LINS1: variants seen among roughly 807,000 people sequenced by gnomAD.
The protein encoded by LINS1 is lines homolog 1.
Under a neutral mutation model 41.6 loss-of-function variants are expected in LINS1, and 27 were observed. The observed-to-expected ratio is 0.65, with a 90% CI of 0.48 to 0.89. The LOEUF (loss-of-function observed/expected upper bound fraction) is 0.89. LINS1 is among the 40% of genes least tolerant of loss of function. The pLI is 0.00. For synonymous variants in LINS1, 336 were observed against 312.9 expected (o/e 1.07, Z -0.78); for missense variants, 955 against 884.1 (o/e 1.08, Z -1.02).
rs2037865239 is a variant in LINS1 at position 100,572,135 on chromosome 15, A to AGGTC, written c.1223-71_1223-70insGACC. ...TGAATGAATATCTTGCCTATATATAAATTCATAGTGTCTAAAGTACCTTAA... is the reference window on the plus strand; with the variant it reads ...TGAATGAATATCTTGCCTATATATAAGGTCATTCATAGTGTCTAAAGTACCTTAA... On this transcript the variant is annotated intron_variant, in intron 5 of 6. Coordinates refer to ENST00000314742, the MANE Select transcript of LINS1 (RefSeq NM_001040616.3). The AGGTC allele has an allele frequency of 6.9e-6, 11 of 1,588,756 alleles. No homozygotes were observed. The South Asian group carries it at 1.3e-4, about 18-fold the overall frequency.
rs947031817 is a variant in LINS1, at chr15:100,574,887, A to G, written c.631+100T>C. On this transcript the variant is annotated intron_variant, in intron 4 of 6. Coordinates refer to ENST00000314742, the MANE Select transcript of LINS1 (RefSeq NM_001040616.3). ...AGAGACTGACTTTTTCATTACTTTAAGACAGATCAGATGTTCCAAATTAAG... is the reference window on the plus strand; with the variant it reads ...AGAGACTGACTTTTTCATTACTTTAGGACAGATCAGATGTTCCAAATTAAG... The G allele has an allele frequency of 1.3e-5, 16 of 1,237,600 alleles. 1 individual carries two copies. Among genetic ancestry groups the G allele is most frequent in the Non-Finnish European group, 1.6e-5 (14 of 850,452 alleles). The allele number at this position is 1,237,600 out of a possible 1,614,324, so 76.7% of individuals were successfully genotyped here. A position where few individuals can be genotyped will look rare whatever the true frequency, so the allele number is the denominator to read the frequency against.
chr15:100,586,364 G>A (rs942736964), intron 1 of LINS1: 2 of 152,186 alleles, frequency 1.3e-5, no homozygotes, highest in South Asian at 2.1e-4. Flanking sequence ...AATGGGATAA[G>A]TGTTTTAAGT....
chr15:100,582,602 C>T (rs1223166815), intron 1 of LINS1, among the ~76,000 whole-genome samples: 48 of 115,378 alleles, frequency 4.2e-4, no homozygotes, highest in South Asian at 2.6e-3. Flanking sequence ...CCATCTACAA[C>T]ATGGCCCACT....
rs2037622425 is a variant in LINS1, at chr15:100,568,163, A to T, written c.*1075T>A. On this transcript the variant is annotated 3_prime_UTR_variant, in exon 7 of 7. Transcript: ENST00000314742. ...AATTAGTGATTAAATTTTTTTTTAGAAAGAATCATGTTCATACAGTAGGCC... is the reference window on the plus strand; with the variant it reads ...AATTAGTGATTAAATTTTTTTTTAGTAAGAATCATGTTCATACAGTAGGCC... 1 of 151,836 alleles carries T rather than the reference A, an allele frequency of 6.6e-6. No homozygotes were observed. Among genetic ancestry groups the T allele is most frequent in the Non-Finnish European group, 1.5e-5 (1 of 67,934 alleles). 9.4% of individuals were successfully genotyped at this position (151,836 alleles called of 1,614,324 possible).
rs6598356 is a variant in LINS1, at chr15:100,569,688, C to A, written c.1824G>T (p.Gly608=). Residue 608 remains glycine (G), a synonymous_variant, in exon 7 of 7, where the codon GGG becomes GGT. Transcript: ENST00000314742. Reference sequence around the variant, plus strand: ...GACTAGAAGCACACATGGTGTGAGCCCCCTTGGACATCACAGCTTTCAGTG... The same window carrying A: ...GACTAGAAGCACACATGGTGTGAGCACCCTTGGACATCACAGCTTTCAGTG... ...SEPLKAVMSK[G]AHTMCASSLS... The A allele has an allele frequency of 0.44, 706,457 of 1,612,952 alleles. 159,863 individuals carry two copies. The highest frequency in any genetic ancestry group is 0.47 in the Non-Finnish European group (559,973 of 1,179,394).
intron 6 of LINS1, chr15:100,570,618 GC>G (rs1463606962): frequency 6.5e-6 from 1 of 153,038 alleles, no homozygotes; most frequent in Non-Finnish European, 1.5e-5. Flanking sequence ...GCTGAGGTAC[GC>G]CTTGAACTGC....
At chr15:100,589,367 A>T (rs1202982667) in intron 1 of LINS1, among the ~76,000 whole-genome samples, 1 of 152,228 alleles carries the variant, frequency 6.6e-6, no homozygotes, top group African/African-American at 2.4e-5. Flanking sequence ...TTCATGTTAA[A>T]TCAGCTGATA....
chr15:100,572,362 G>C, intron 5 of LINS1: 1 of 1,188,692 alleles, frequency 8.4e-7, no homozygotes, highest in South Asian at 1.8e-5. Context: ...GTGATTTCTT[G>C]CTAAAAGCAG....
At position 100,569,599 on chromosome 15, in the gene LINS1, T is replaced by A; in HGVS notation, c.1913A>T (p.Glu638Val). 6.2e-7 allele frequency: 1 copy of A among 1,613,666 alleles called. No individual in the cohort carries two copies. The highest frequency in any genetic ancestry group is 8.5e-7 in the Non-Finnish European group (1 of 1,179,614). Residue 638 changes from glutamate (E) to valine (V), a missense_variant, in exon 7 of 7, where the codon GAA (glutamate) becomes GTA (valine). By Grantham distance (121) the Glu-to-Val change is moderately radical. Coordinates refer to ENST00000314742, the MANE Select transcript of LINS1 (RefSeq NM_001040616.3). ...DYDSSDDSDV[E>V]STEQCLANSK... ...GTTAGCTAAACACTGCTCTGTGGAT[T>A]CCACGTCAGAATCGTCAGAGCTGTC...
intron 5 of LINS1, chr15:100,572,815 C>T (rs1019060511): frequency 3.2e-6 from 3 of 925,766 alleles, no homozygotes; most frequent in South Asian, 1.0e-4. Context: ...GTAACAATTT[C>T]TTTGTCAATA....
intron 1 of LINS1, among the ~76,000 whole-genome samples, chr15:100,587,444 CCTGGGTAACA>C (rs2038860239): frequency 6.6e-6 from 1 of 151,730 alleles, no homozygotes; most frequent in Non-Finnish European, 1.5e-5. Context: ...TTTTTGGGGC[CCTGGGTAACA>C]CTGTAGCCTC....
rs555615731 is a variant in LINS1, at chr15:100,569,687, C to T, written c.1825G>A (p.Ala609Thr). The change falls in exon 7 of 7, where the codon GCT becomes ACT. Residue 609 changes from alanine to threonine, a missense_variant. Transcript: ENST00000314742. ...EPLKAVMSKG[A>T]HTMCASSLSS... ...AGACTAGAAGCACACATGGTGTGAG[C>T]CCCCTTGGACATCACAGCTTTCAGT... 1 of 1,613,780 alleles carries T rather than the reference C, an allele frequency of 6.2e-7. No individual in the cohort carries two copies. Among genetic ancestry groups the T allele is most frequent in the Non-Finnish European group, 8.5e-7 (1 of 1,179,806 alleles).
chr15:100,580,068 A>G (rs2038442600), intron 3 of LINS1, among the ~76,000 whole-genome samples, 195 bp downstream of exon 3: 1 of 152,176 alleles, frequency 6.6e-6, no homozygotes, highest in African/African-American at 2.4e-5. Context: ...AAGAAACTAT[A>G]AGAGAAACAG....
intron 1 of LINS1, among the ~76,000 whole-genome samples, chr15:100,588,534 TAAA>T (rs1489825051): frequency 6.6e-6 from 1 of 152,206 alleles, no homozygotes; most frequent in Non-Finnish European, 1.5e-5. Context: ...ATTGGTAAAA[TAAA>T]AATATCTTCA....
intron 1 of LINS1, among the ~76,000 whole-genome samples, chr15:100,597,631 A>T (rs2039304461): frequency 6.6e-6 from 1 of 152,244 alleles, no homozygotes; most frequent in South Asian, 2.1e-4. Context: ...CTTAGTTGCT[A>T]AATTATAACT....
rs2038445525 is a variant in LINS1, at chr15:100,580,122, G to A, written c.489+141C>T. 4.4e-6 allele frequency: 3 copies of A among 677,702 alleles called. 1 individual carries two copies. In the South Asian group the frequency reaches 5.4e-5, roughly 12 times the overall value. 42.0% of individuals were successfully genotyped at this position (677,702 alleles called of 1,614,324 possible). On this transcript the variant is annotated intron_variant, in intron 3 of 6. Coordinates refer to ENST00000314742, the MANE Select transcript of LINS1 (RefSeq NM_001040616.3). The stretch of plus-strand genomic sequence containing the variant: ...CGTCTTTAATCCCAGCACTTTGGGA[G>A]GCTGAGGCAGGAGGATTGCTTGAGC...
Position 100,570,107 on chromosome 15 carries a change from C to CT in LINS1, c.1404dup (p.Ala469SerfsTer3), listed in dbSNP as rs1038062197. ...TTTCCCTGAGTCAAGCTTTCAGTGG[C>CT]TTCACATCCTCTGAAAATGAAGATA... is the stretch of plus-strand genomic sequence containing the variant. On this transcript the variant is annotated frameshift_variant, in exon 7 of 7. Coordinates refer to ENST00000314742, the MANE Select transcript of LINS1 (RefSeq NM_001040616.3). LOFTEE classifies it low-confidence loss of function (END_TRUNC). 1 of 1,585,776 alleles carries CT rather than the reference C, an allele frequency of 6.3e-7. No homozygotes were observed. The highest frequency in any genetic ancestry group is 1.3e-5 in the African/African-American group (1 of 74,308).
intron 4 of LINS1, 53 bp from the exon 5 acceptor site, chr15:100,574,294 A>C: frequency 8.7e-7 from 1 of 1,149,288 alleles, no homozygotes; most frequent in Non-Finnish European, 1.3e-6. Flanking sequence ...TTCTTCAAAC[A>C]ATTTTACAAT....
In LINS1 at chr15:100,569,156, G is replaced by A. The variant is rs1198393423; in HGVS notation, c.*82C>T. The A allele has an allele frequency of 1.1e-6, 1 of 874,754 alleles. No homozygotes were observed. Among genetic ancestry groups the A allele is most frequent in the Non-Finnish European group, 1.8e-6 (1 of 558,318 alleles). 54.2% of individuals were successfully genotyped at this position (874,754 alleles called of 1,614,324 possible). On this transcript the variant is annotated 3_prime_UTR_variant, in exon 7 of 7. Coordinates refer to ENST00000314742, the MANE Select transcript of LINS1 (RefSeq NM_001040616.3). ...AAAAAAAAAAGAAAACCCTTTTATGGTGATGATTTTATACTATTACCTCAT... is the reference window on the plus strand; with the variant it reads ...AAAAAAAAAAGAAAACCCTTTTATGATGATGATTTTATACTATTACCTCAT...
Sources: gnomAD v4.1 joint callset for allele counts (sites outside exome capture counted in the v4.1 genomes callset) on GRCh38, gnomAD v4.1.1 for gene constraint, MANE v1.5 for transcripts, NCBI Gene and HGNC (gene_info 2026-07-23, HGNC 2026-07-21) for gene names.